The following C1RL variants were observed in gnomAD, a reference collection of about 807,000 sequenced individuals.
The protein encoded by C1RL is complement C1r subcomponent-like protein.
In C1RL, 27 loss-of-function variants were observed where a neutral mutation model predicts 27.9. The ratio of observed to expected loss-of-function variants is 0.97; its 90% CI spans 0.71 to 1.33. C1RL has a LOEUF of 1.33. C1RL is among the 40% of genes most tolerant of loss of function. The pLI is 0.00. For synonymous variants in C1RL, 248 were observed against 252.1 expected (o/e 0.98, Z 0.15); for missense variants, 563 against 623.9 (o/e 0.90, Z 1.04).
rs867787655 is a variant in C1RL, at chr12:7,096,710, A to G, written c.1145T>C (p.Met382Thr). The G allele has an allele frequency of 3.1e-6, 5 of 1,613,846 alleles. No individual in the cohort carries two copies. Among genetic ancestry groups the G allele is most frequent in the Middle Eastern group, 1.6e-4 (1 of 6,084 alleles). ...CTTCAGCTCAGTAGTTAGCCAGCCC[A>G]TCTCCATGCCAAACCCACTGACGTA... ...LGYVSGFGME[M>T]GWLTTELKYS... is the part of the protein sequence containing the mutation. The change falls in exon 6 of 6, where the codon ATG becomes ACG. Residue 382 changes from methionine (M) to threonine (T), a missense_variant. Met to Thr is a moderately conservative substitution (Grantham distance 81, BLOSUM62 -1). Coordinates refer to ENST00000266542, the MANE Select transcript of C1RL (RefSeq NM_016546.4).
intron 2 of C1RL, among the ~76,000 whole-genome samples, chr12:7,105,312 C>T (rs1315048209): frequency 1.3e-5 from 2 of 152,018 alleles, no homozygotes; most frequent in Non-Finnish European, 2.9e-5. Context: ...CTGCACCCCA[C>T]AGGCTGTAGT....
intron 3 of C1RL, among the ~76,000 whole-genome samples, chr12:7,100,571 A>C (rs1250037942): frequency 6.6e-6 from 1 of 152,210 alleles, no homozygotes; most frequent in Non-Finnish European, 1.5e-5. Flanking sequence ...AGGCAGGCAG[A>C]TCACCTGAGG....
chr12:7,099,625 T>C, intron 5 of C1RL, 61 bp downstream of exon 5: 1 of 1,544,532 alleles, frequency 6.5e-7, no homozygotes, highest in Admixed American at 2.0e-5. Context: ...CCCTGTGTCC[T>C]GTAGGTCCCA....
At chr12:7,100,119 GT>G in intron 3 of C1RL, 93 bp from the exon 4 acceptor site, 2 of 1,253,024 alleles carry the variant, frequency 1.6e-6, no homozygotes, top group Non-Finnish European at 2.2e-6. Flanking sequence ...CTTGCACAGT[GT>G]TTTATTTTTT....
At chr12:7,099,574 T>C in intron 5 of C1RL, 112 bp downstream of exon 5, 1 of 1,467,832 alleles carries the variant, frequency 6.8e-7, no homozygotes, top group Non-Finnish European at 9.1e-7. Flanking sequence ...CCTCACCTTC[T>C]GCTTCTTATC....
chr12:7,095,636 G>A lies in C1RL; in HGVS notation c.*755C>T. On this transcript the variant is annotated 3_prime_UTR_variant, in exon 6 of 6. Coordinates refer to ENST00000266542, the MANE Select transcript of C1RL (RefSeq NM_016546.4). ...GGAGGGAAAATGGTAAGGATGTGGG[G>A]GCTGGGAGGGAAAGCGGGTGACACA... 1.6e-5 allele frequency: 16 copies of A among 985,972 alleles called. No individual in the cohort carries two copies. The highest frequency in any genetic ancestry group is 1.9e-5 in the Non-Finnish European group (16 of 830,264). 61.1% of individuals were successfully genotyped at this position (985,972 alleles called of 1,614,324 possible).
At chr12:7,109,081 C>G in intron 1 of C1RL, 29 bp downstream of exon 1, 1 of 1,551,920 alleles carries the variant, frequency 6.4e-7, no homozygotes, top group Non-Finnish European at 8.8e-7. Flanking sequence ...CCGTCCTCTT[C>G]CCTCCTCCTC....
intron 1 of C1RL, chr12:7,108,701 G>A (rs1021103013): frequency 1.8e-6 from 1 of 570,418 alleles, no homozygotes; most frequent in African/African-American, 1.9e-5. Flanking sequence ...CTCTAGGATT[G>A]TGGGTTTTCC....
rs1180325788 is a variant in C1RL at position 7,099,225 on chromosome 12, C to CAAAAAAAAAAAAAAAAAAAAAA, written c.691+439_691+460dup. Among the ~76,000 whole-genome samples, 4 of 44,372 alleles carry CAAAAAAAAAAAAAAAAAAAAAA rather than the reference C, an allele frequency of 9.0e-5. 1 individual carries two copies. Among genetic ancestry groups the CAAAAAAAAAAAAAAAAAAAAAA allele is most frequent in the African/African-American group, 3.4e-4 (4 of 11,812 alleles). The allele number at this position is 44,372 out of a possible 152,430, so 29.1% of individuals were successfully genotyped here. On this transcript the variant is annotated intron_variant, in intron 5 of 5. Transcript: ENST00000266542. Reference sequence around the variant, plus strand: ...GGGCGACAAGAGAGAAACTCCATCCCAAAAAAAAAAAAAAAAAAAAAAAAA... The same window carrying CAAAAAAAAAAAAAAAAAAAAAA: ...GGGCGACAAGAGAGAAACTCCATCCCAAAAAAAAAAAAAAAAAAAAAAAAAAAAAAAAAAAAAAAAAAAAAAA...
chr12:7,095,272 C>T lies in C1RL; in HGVS notation c.*1119G>A, dbSNP rs1271615575. 1.5e-5 allele frequency: 11 copies of T among 756,380 alleles called. No individual in the cohort carries two copies. Among genetic ancestry groups the T allele is most frequent in the East Asian group, 1.2e-4 (1 of 8,192 alleles). The allele number at this position is 756,380 out of a possible 1,614,324, so 46.9% of individuals were successfully genotyped here. On this transcript the variant is annotated 3_prime_UTR_variant, in exon 6 of 6. Coordinates refer to ENST00000266542, the MANE Select transcript of C1RL (RefSeq NM_016546.4). ...CTGGGACTACAGGCACGTGTCACCA[C>T]GCCCGGCTAATTTTTGTATTTTTAG... is the stretch of plus-strand genomic sequence containing the variant.
At chr12:7,108,503 G>A in intron 1 of C1RL, 24 bp from the exon 2 acceptor site, 2 of 1,546,998 alleles carry the variant, frequency 1.3e-6, no homozygotes, top group Non-Finnish European at 8.8e-7. Flanking sequence ...GGAGGGCAAG[G>A]TGGGGCCGCG....
At position 7,096,335 on chromosome 12, in the gene C1RL, C is replaced by T; in HGVS notation, c.*56G>A. 6.6e-7 allele frequency: 1 copy of T among 1,519,434 alleles called. No individual in the cohort carries two copies. Among genetic ancestry groups the T allele is most frequent in the Non-Finnish European group, 8.8e-7 (1 of 1,136,724 alleles). 94.1% of individuals were successfully genotyped at this position (1,519,434 alleles called of 1,614,324 possible). The stretch of plus-strand genomic sequence containing the variant: ...CCAGTGTTCAGTCCTCACTCCAGGC[C>T]CTCTGTTGCCTGGGGCCTCCACTGT... On this transcript the variant is annotated 3_prime_UTR_variant, in exon 6 of 6. Transcript: ENST00000266542.
In C1RL at chr12:7,094,597, A is replaced by G. The variant is rs1938372466; in HGVS notation, c.*1794T>C. The G allele has an allele frequency of 3.2e-6, 3 of 937,760 alleles. No homozygotes were observed. The South Asian group carries it at 1.5e-4, about 46-fold the overall frequency. The allele number at this position is 937,760 out of a possible 1,614,324, so 58.1% of individuals were successfully genotyped here. On this transcript the variant is annotated 3_prime_UTR_variant, in exon 6 of 6. Coordinates refer to ENST00000266542, the MANE Select transcript of C1RL (RefSeq NM_016546.4). The stretch of plus-strand genomic sequence containing the variant: ...TTTTTGCCTTGGCAGGGAGAAACTC[A>G]TATCATTTTTTGCAATCATAAAAAT...
In C1RL at chr12:7,100,032, G is replaced by A; in HGVS notation, c.491-6C>T. 6.2e-7 allele frequency: 1 copy of A among 1,609,436 alleles called. No homozygotes were observed. On this transcript the variant is annotated splice_region_variant and splice_polypyrimidine_tract_variant and intron_variant, in intron 3 of 5. Coordinates refer to ENST00000266542, the MANE Select transcript of C1RL (RefSeq NM_016546.4). ...GGGCTGACTATAGTTCACAGCTATA[G>A]GAAAACAGCACCTAGCACAGACTTG...
intron 2 of C1RL, among the ~76,000 whole-genome samples, chr12:7,105,397 G>A (rs1938739302): frequency 6.6e-6 from 1 of 152,004 alleles, no homozygotes; most frequent in African/African-American, 2.4e-5. Context: ...AGCCTCCCAA[G>A]TAGCTGGGAT....
Position 7,096,129 on chromosome 12 carries a change from G to T in C1RL, c.*262C>A, listed in dbSNP as rs925589757. The T allele has an allele frequency of 8.0e-7, 1 of 1,242,926 alleles. No individual in the cohort carries two copies. Among genetic ancestry groups the T allele is most frequent in the Admixed American group, 4.0e-5 (1 of 25,170 alleles). 77.0% of individuals were successfully genotyped at this position (1,242,926 alleles called of 1,614,324 possible). A position where few individuals can be genotyped will look rare whatever the true frequency, so the allele number is the denominator to read the frequency against. Reference sequence around the variant, plus strand: ...AGTTGTTGAGATGTACAGGCTTCCCGGGGCCTAGTGCATGAGCACAGGGAG... The same window carrying T: ...AGTTGTTGAGATGTACAGGCTTCCCTGGGCCTAGTGCATGAGCACAGGGAG... On this transcript the variant is annotated 3_prime_UTR_variant, in exon 6 of 6. Coordinates refer to ENST00000266542, the MANE Select transcript of C1RL (RefSeq NM_016546.4).
At chr12:7,097,282 CGTTT>C in intron 5 of C1RL, 119 bp from the exon 6 acceptor site, 2 of 744,000 alleles carry the variant, frequency 2.7e-6, no homozygotes, top group South Asian at 2.2e-5. Context: ...GGGATCAGGA[CGTTT>C]TTTTTTTTTT....
intron 3 of C1RL, among the ~76,000 whole-genome samples, chr12:7,101,123 C>T (rs1007755966): frequency 2.4e-3 from 8 of 3,274 alleles, no homozygotes; most frequent in African/African-American, 3.7e-3. Flanking sequence ...CCCTCCCTCC[C>T]TCCTTCTTCC....
rs1476562848 is a variant in C1RL, at chr12:7,101,927, T to C, written c.461A>G (p.Lys154Arg). Residue 154 changes from lysine to arginine, a missense_variant, in exon 3 of 6, where the codon AAG becomes AGG. Coordinates refer to ENST00000266542, the MANE Select transcript of C1RL (RefSeq NM_016546.4). ...SSENKTAHLH[K>R]GFLALYQTVA... is the part of the protein sequence containing the mutation. ...GGTTTGGTAGAGGGCCAGGAAGCCC[T>C]TGTGGAGGTGGGCAGTCTTGTTCTC... is the stretch of plus-strand genomic sequence containing the variant. The C allele has an allele frequency of 3.7e-6, 6 of 1,614,060 alleles. No individual in the cohort carries two copies. In the African/African-American group the frequency reaches 6.7e-5, roughly 18 times the overall value.
Sources: allele counts gnomAD v4.1 joint callset (sites outside exome capture counted in the v4.1 genomes callset), GRCh38; gene constraint gnomAD v4.1.1; transcripts MANE v1.5; gene names NCBI Gene and HGNC (gene_info 2026-07-23, HGNC 2026-07-21).